The following CLIP1 variants were observed in gnomAD, a reference collection of about 807,000 sequenced individuals.
CLIP1 encodes CAP-Gly domain-containing linker protein 1.
A neutral mutation model predicts 161.6 loss-of-function variants in CLIP1; 66 were observed. The observed-to-expected ratio is 0.41, with a 90% CI of 0.33 to 0.50. CLIP1 has a LOEUF of 0.50. Among genes scored for constraint, CLIP1 ranks in the 20% least tolerant of loss-of-function variants. The pLI is 0.27. For missense variants in CLIP1, 1,376 were observed against 1,702.0 expected, an observed-to-expected ratio of 0.81 and a Z score of 3.37; for synonymous variants, 598 against 626.2, an observed-to-expected ratio of 0.96 and a Z score of 0.67.
chr12:122,334,014 G>A lies in CLIP1; in HGVS notation c.2710+13C>T. Reference sequence around the variant, plus strand: ...CTGTATTTAATGTTTAGTCACCAGAGATGTCTTCTTACCTGCTAAGTTTTC... The same window carrying A: ...CTGTATTTAATGTTTAGTCACCAGAAATGTCTTCTTACCTGCTAAGTTTTC... On this transcript the variant is annotated intron_variant, in intron 14 of 25. Coordinates refer to ENST00000620786, the MANE Select transcript of CLIP1 (RefSeq NM_001247997.2). 1.3e-6 allele frequency: 2 copies of A among 1,544,338 alleles called. No homozygotes were observed. Among genetic ancestry groups the A allele is most frequent in the South Asian group, 1.1e-5 (1 of 89,482 alleles).
At position 122,355,055 on chromosome 12, in the gene CLIP1, C is replaced by T. The variant is rs1953261302; in HGVS notation, c.1203+60G>A. 1 of 1,506,020 alleles carries T rather than the reference C, an allele frequency of 6.6e-7. No homozygotes were observed. 93.3% of individuals were successfully genotyped at this position (1,506,020 alleles called of 1,614,324 possible). A position where few individuals can be genotyped will look rare whatever the true frequency, so the allele number is the denominator to read the frequency against. ...TCGGTGCCAAGCACCGGGCATGCTT[C>T]TCGGCTCCTCAGTGGCTTTAGAAAC... On this transcript the variant is annotated intron_variant, in intron 6 of 25. Transcript: ENST00000620786. The surrounding 1 kb of genome is among the most constrained non-coding windows in gnomAD (Gnocchi z 4.1).
At chr12:122,333,432 G>A (rs184922123) in intron 14 of CLIP1, among the ~76,000 whole-genome samples, 1 of 152,306 alleles carries the variant, frequency 6.6e-6, no homozygotes, top group African/African-American at 2.4e-5. Context: ...AAAACCTGAA[G>A]GAAGTGAGGG....
upstream of CLIP1, chr12:122,422,714 GCGCCCGCCCGGCC>G (rs1423656132): frequency 1.1e-5 from 1 of 92,156 alleles, no homozygotes; most frequent in East Asian, 3.0e-4. Context: ...CTCCGCCGCC[GCGCCCGCCCGGCC>G]GGCCCGGCCG....
intron 18 of CLIP1, 139 bp from the exon 19 acceptor site, chr12:122,316,994 A>G (rs1437380862): frequency 3.4e-6 from 2 of 588,688 alleles, no homozygotes; most frequent in Non-Finnish European, 5.9e-6. Context: ...TCCTGGGTGA[A>G]GAGATTACAG....
intron 3 of CLIP1, among the ~76,000 whole-genome samples, chr12:122,376,096 CCTGT>C (rs1363106165): frequency 2.0e-5 from 3 of 152,158 alleles, no homozygotes; most frequent in Non-Finnish European, 4.4e-5. Flanking sequence ...TGCCACCATG[CCTGT>C]CTAATTTTTG....
chr12:122,293,081 C>T (rs1184229646), intron 20 of CLIP1, among the ~76,000 whole-genome samples: 1 of 150,462 alleles, frequency 6.6e-6, no homozygotes, highest in African/African-American at 2.5e-5. Context: ...AAAACACAAC[C>T]CAATAAAGAA....
chr12:122,359,669 A>G (rs556053616), intron 5 of CLIP1, among the ~76,000 whole-genome samples: 10 of 152,322 alleles, frequency 6.6e-5, no homozygotes, highest in Non-Finnish European at 1.2e-4. Flanking sequence ...ATTCTACCTG[A>G]ACATAGAGGA....
chr12:122,388,479 A>G (rs1416468579), intron 1 of CLIP1, among the ~76,000 whole-genome samples: 1 of 152,162 alleles, frequency 6.6e-6, no homozygotes, highest in Non-Finnish European at 1.5e-5. Flanking sequence ...TCGGCCTCCT[A>G]AAGTGCTGGG....
At chr12:122,284,539 A>G (rs2136261857) in intron 21 of CLIP1, among the ~76,000 whole-genome samples, 1 of 152,084 alleles carries the variant, frequency 6.6e-6, no homozygotes, top group African/African-American at 2.4e-5. Context: ...TTTAGTAGAG[A>G]CGGGGTTTCA....
chr12:122,385,698 T>C (rs1483772541), intron 1 of CLIP1, among the ~76,000 whole-genome samples: 2 of 152,080 alleles, frequency 1.3e-5, no homozygotes, highest in Non-Finnish European at 2.9e-5. Flanking sequence ...TCAGTGGATG[T>C]CGGCTGCAGG....
At chr12:122,300,231 C>T (rs1950629567) in intron 20 of CLIP1, among the ~76,000 whole-genome samples, 1 of 152,110 alleles carries the variant, frequency 6.6e-6, no homozygotes, top group Admixed American at 6.5e-5. Context: ...GATTATGTCA[C>T]TGTACTCCAG....
intron 20 of CLIP1, among the ~76,000 whole-genome samples, chr12:122,308,143 A>T (rs945644317): frequency 6.6e-6 from 1 of 152,222 alleles, no homozygotes; most frequent in African/African-American, 2.4e-5. Context: ...GGGAAATTCT[A>T]AACAAGGAAG....
At chr12:122,314,687 T>A (rs567685634) in intron 19 of CLIP1, among the ~76,000 whole-genome samples, 1 of 152,292 alleles carries the variant, frequency 6.6e-6, no homozygotes, top group Non-Finnish European at 1.5e-5. Flanking sequence ...CAGCTGCCCA[T>A]GGGACACAAT....
intron 3 of CLIP1, chr12:122,364,892 T>A (rs1014238065): frequency 3.3e-6 from 2 of 610,290 alleles, no homozygotes; most frequent in African/African-American, 1.8e-5. Flanking sequence ...ATAAGAAAGG[T>A]GATATTGCAG....
At chr12:122,283,203 G>C (rs1203821150) in intron 21 of CLIP1, among the ~76,000 whole-genome samples, 1 of 152,094 alleles carries the variant, frequency 6.6e-6, no homozygotes. Context: ...AACTCCCCCA[G>C]TTCTGGCAAT....
At chr12:122,286,305 T>G (rs1592975693) in intron 21 of CLIP1, among the ~76,000 whole-genome samples, 1 of 151,232 alleles carries the variant, frequency 6.6e-6, no homozygotes, top group East Asian at 1.9e-4. Flanking sequence ...GATCACGAGG[T>G]CAGGAGTTAG....
At chr12:122,391,927 G>A (rs573765403) in intron 1 of CLIP1, among the ~76,000 whole-genome samples, 49 of 152,252 alleles carry the variant, frequency 3.2e-4, no homozygotes, top group African/African-American at 1.2e-3. Context: ...TTTCCTCTCA[G>A]ATATCACTTC....
intron 1 of CLIP1, among the ~76,000 whole-genome samples, chr12:122,412,847 T>C (rs769246208): frequency 6.6e-6 from 1 of 152,026 alleles, no homozygotes; most frequent in African/African-American, 2.4e-5. Context: ...TTAAAACTAA[T>C]ACATAAAGAA....
At chr12:122,336,436 A>G (rs1194048371) in intron 12 of CLIP1, among the ~76,000 whole-genome samples, 196 bp downstream of exon 12, 1 of 149,478 alleles carries the variant, frequency 6.7e-6, no homozygotes, top group Non-Finnish European at 1.5e-5. Context: ...AAAAAAAAGT[A>G]ATACCTACCT....
Sources: allele counts gnomAD v4.1 joint callset (sites outside exome capture counted in the v4.1 genomes callset), GRCh38; gene constraint gnomAD v4.1.1; non-coding constraint Gnocchi (gnomAD v3.1); transcripts MANE v1.5; gene names NCBI Gene and HGNC (gene_info 2026-07-23, HGNC 2026-07-21).